The following SGCZ variants were observed in gnomAD, a reference collection of about 807,000 sequenced individuals.
The protein encoded by SGCZ is zeta-sarcoglycan.
SGCZ carries 40 observed loss-of-function variants against 41.3 expected under a neutral mutation model. The observed-to-expected ratio is 0.97, with a 90% confidence interval of 0.75 to 1.26. The LOEUF is 1.26. SGCZ is among the 50% of genes most tolerant of loss of function. The pLI is 0.00. For missense variants in SGCZ, 552 were observed against 369.8 expected, an observed-to-expected ratio of 1.49 and a Z score of -4.04; for synonymous variants, 206 against 137.5, an observed-to-expected ratio of 1.50 and a Z score of -3.49.
intron 4 of SGCZ, among the ~76,000 whole-genome samples, chr8:14,218,679 T>G (rs960324775): frequency 6.6e-5 from 10 of 152,236 alleles, no homozygotes; most frequent in African/African-American, 2.4e-4. Context: ...TATATTTATT[T>G]TAGATTATGG....
chr8:14,800,752 A>C (rs1801296013), intron 1 of SGCZ, among the ~76,000 whole-genome samples: 1 of 152,172 alleles, frequency 6.6e-6, no homozygotes, highest in South Asian at 2.1e-4. Context: ...GAGTCAATTA[A>C]ACATTTTTTC....
intron 4 of SGCZ, among the ~76,000 whole-genome samples, chr8:14,190,848 C>T (rs566228187): frequency 1.9e-4 from 29 of 152,148 alleles, no homozygotes; most frequent in African/African-American, 7.0e-4. Context: ...GTGATCCACC[C>T]GCCTCGGACT....
intron 3 of SGCZ, among the ~76,000 whole-genome samples, chr8:14,245,948 C>A (rs909776260): frequency 6.6e-6 from 1 of 152,162 alleles, no homozygotes. Flanking sequence ...CAGGAAGCAA[C>A]AGGTGCTGGA....
intron 2 of SGCZ, among the ~76,000 whole-genome samples, chr8:14,375,536 G>A (rs1804088682): frequency 6.6e-6 from 1 of 152,050 alleles, no homozygotes; most frequent in Non-Finnish European, 1.5e-5. Context: ...AAAACTCTCT[G>A]ATTGCAATGT....
intron 1 of SGCZ, among the ~76,000 whole-genome samples, chr8:14,783,008 T>C (rs1800636656): frequency 6.6e-6 from 1 of 152,232 alleles, no homozygotes; most frequent in African/African-American, 2.4e-5. Flanking sequence ...GAATAATTTA[T>C]GTATTTACTT....
At chr8:14,157,336 C>G (rs1803905955) in intron 5 of SGCZ, among the ~76,000 whole-genome samples, 1 of 138,902 alleles carries the variant, frequency 7.2e-6, no homozygotes, top group East Asian at 2.1e-4. Context: ...ATATATGCCT[C>G]TGTGTGTGTG....
At chr8:14,661,887 C>T (rs1290211500) in intron 1 of SGCZ, among the ~76,000 whole-genome samples, 1 of 151,198 alleles carries the variant, frequency 6.6e-6, no homozygotes, top group Admixed American at 6.6e-5. Context: ...TGGCTTGTCC[C>T]CAGAGACAAT....
intron 1 of SGCZ, among the ~76,000 whole-genome samples, chr8:15,012,398 T>C (rs1802855052): frequency 6.7e-6 from 1 of 150,316 alleles, no homozygotes; most frequent in Non-Finnish European, 1.5e-5. Context: ...AGGAGGTTCA[T>C]GCTGCAGTGA....
chr8:14,435,727 T>C (rs1800071557), intron 2 of SGCZ, among the ~76,000 whole-genome samples: 1 of 152,190 alleles, frequency 6.6e-6, no homozygotes, highest in Non-Finnish European at 1.5e-5. Flanking sequence ...AGTAGACATT[T>C]GAATATGATT....
At chr8:14,597,789 A>G (rs28540285) in intron 1 of SGCZ, among the ~76,000 whole-genome samples, 46,961 of 151,882 alleles carry the variant, frequency 0.31, 8,577 homozygotes, top group Admixed American at 0.4. Flanking sequence ...ACTTCTTTTT[A>G]TTTCTCTTTC....
At chr8:14,860,089 T>G (rs368288638) in intron 1 of SGCZ, among the ~76,000 whole-genome samples, 18,062 of 152,034 alleles carry the variant, frequency 0.12, 1,384 homozygotes, top group Non-Finnish European at 0.16. Context: ...AAACAGAAAC[T>G]AGAAAACATA....
intron 3 of SGCZ, among the ~76,000 whole-genome samples, chr8:14,276,963 G>A (rs182990762): frequency 7.9e-5 from 12 of 152,270 alleles, no homozygotes; most frequent in Admixed American, 3.9e-4. Flanking sequence ...ATTATGTAAC[G>A]GGGCCTTTTG....
chr8:15,131,345 C>G (rs565207564), intron 1 of SGCZ, among the ~76,000 whole-genome samples: 1 of 152,266 alleles, frequency 6.6e-6, no homozygotes, highest in Middle Eastern at 3.4e-3. Flanking sequence ...GGCTCTCATT[C>G]TCTCTTGCCT....
Position 14,656,061 on chromosome 8 carries a change from G to C in SGCZ, c.40-101135C>G, listed in dbSNP as rs541828381. Among the ~76,000 whole-genome samples the C allele has an allele frequency of 4.6e-5, 7 of 152,098 alleles. No homozygotes were observed. The South Asian group carries it at 1.0e-3, about 23-fold the overall frequency. Reference sequence around the variant, plus strand: ...GCTCTTACAGATAAAGCTTCTGTAGGCATTTGTGTACAGGTTTTATATGAA... The same window carrying C: ...GCTCTTACAGATAAAGCTTCTGTAGCCATTTGTGTACAGGTTTTATATGAA... On this transcript the variant is annotated intron_variant, in intron 1 of 7. Coordinates refer to ENST00000382080, the MANE Select transcript of SGCZ (RefSeq NM_139167.4).
At chr8:15,181,670 T>C (rs1322973656) in intron 1 of SGCZ, among the ~76,000 whole-genome samples, 2 of 152,186 alleles carry the variant, frequency 1.3e-5, no homozygotes, top group Admixed American at 1.3e-4. Flanking sequence ...AAAAGTCACC[T>C]AAAAAGCAGA....
intron 2 of SGCZ, among the ~76,000 whole-genome samples, chr8:14,516,585 C>A (rs1802627220): frequency 1.3e-5 from 2 of 152,028 alleles, no homozygotes; most frequent in African/African-American, 2.4e-5. Context: ...TGGACCACTG[C>A]AGCAATTTTA....
At chr8:14,885,985 TTATATATATATATATATATATATATATA>T (rs71209089) in intron 1 of SGCZ, among the ~76,000 whole-genome samples, 22 of 55,986 alleles carry the variant, frequency 3.9e-4, no homozygotes, top group African/African-American at 2.8e-4. Context: ...GGACTTTATG[TTATATATATATATATATATATATATATA>T]TATATATATA....
intron 3 of SGCZ, among the ~76,000 whole-genome samples, chr8:14,294,432 T>A (rs981678234): frequency 1.3e-5 from 2 of 151,860 alleles, no homozygotes; most frequent in Admixed American, 6.6e-5. Flanking sequence ...CAAGGAAAGA[T>A]GGAAACTTAC....
chr8:14,561,225 A>G (rs945837609), intron 1 of SGCZ, among the ~76,000 whole-genome samples: 27 of 152,202 alleles, frequency 1.8e-4, no homozygotes, highest in African/African-American at 6.3e-4. Context: ...ATTTTTAAGC[A>G]TTAACTATAT....
Sources: gnomAD v4.1 joint callset for allele counts (sites outside exome capture counted in the v4.1 genomes callset) on GRCh38, gnomAD v4.1.1 for gene constraint, MANE v1.5 for transcripts, NCBI Gene and HGNC (gene_info 2026-07-23, HGNC 2026-07-21) for gene names.